The following ZNF385D variants were observed in gnomAD, a reference collection of about 807,000 sequenced individuals.
ZNF385D encodes the protein zinc finger protein 659.
In ZNF385D, 15 loss-of-function variants were observed where a neutral mutation model predicts 35.8. The ratio of observed to expected loss-of-function variants is 0.42; its 90% CI spans 0.28 to 0.64. The LOEUF is 0.64. ZNF385D is among the 30% of genes least tolerant of loss of function. The pLI, the probability that ZNF385D is intolerant of heterozygous loss-of-function variation, is 0.23. For missense variants in ZNF385D, 474 were observed against 494.6 expected (o/e 0.96, Z 0.39); for synonymous variants, 212 against 186.8 (o/e 1.13, Z -1.10).
chr3:22,005,385 T>C (rs766406149), intron 3 of ZNF385D, among the ~76,000 whole-genome samples: 5 of 152,022 alleles, frequency 3.3e-5, no homozygotes, highest in Non-Finnish European at 5.9e-5. Flanking sequence ...TGGAGTTTTC[T>C]CAAAAAACTA....
chr3:21,757,152 T>G, intron 3 of ZNF385D, among the ~76,000 whole-genome samples: 1 of 136,586 alleles, frequency 7.3e-6, no homozygotes, highest in Non-Finnish European at 1.6e-5. Context: ...TTTCTTGAGA[T>G]GGTGTCTCAC....
intron 3 of ZNF385D, among the ~76,000 whole-genome samples, chr3:22,120,132 AT>A (rs954479988): frequency 3.3e-4 from 49 of 149,330 alleles, no homozygotes; most frequent in African/African-American, 1.2e-3. Flanking sequence ...GTCCTGCTGC[AT>A]TTTTTTTTAA....
At chr3:21,641,781 TAGTG>T (rs2065614158) in intron 2 of ZNF385D, among the ~76,000 whole-genome samples, 1 of 151,922 alleles carries the variant, frequency 6.6e-6, no homozygotes, top group Non-Finnish European at 1.5e-5. Context: ...TTTAGACAGA[TAGTG>T]AGTGTAAAAG....
At chr3:22,047,011 G>C (rs1189488483) in intron 3 of ZNF385D, among the ~76,000 whole-genome samples, 1 of 151,980 alleles carries the variant, frequency 6.6e-6, no homozygotes, top group Non-Finnish European at 1.5e-5. Context: ...TTAATTTTCA[G>C]GTGGCCAATA....
At chr3:21,729,527 G>C (rs1263290983) in intron 1 of ZNF385D, among the ~76,000 whole-genome samples, 1 of 152,104 alleles carries the variant, frequency 6.6e-6, no homozygotes, top group East Asian at 1.9e-4. Flanking sequence ...CACTAGAATT[G>C]AGGTTTCTCT....
chr3:21,560,911 T>C (rs1390754901), intron 3 of ZNF385D, among the ~76,000 whole-genome samples: 1 of 152,098 alleles, frequency 6.6e-6, no homozygotes, highest in Non-Finnish European at 1.5e-5. Context: ...TGGGCTCCGC[T>C]CAGTTCGATC....
At chr3:21,893,224 G>C (rs1040807224) in intron 3 of ZNF385D, among the ~76,000 whole-genome samples, 2 of 152,104 alleles carry the variant, frequency 1.3e-5, no homozygotes, top group South Asian at 2.1e-4. Flanking sequence ...ACATAAGGCA[G>C]AACAAACTGG....
intron 3 of ZNF385D, among the ~76,000 whole-genome samples, chr3:21,519,173 CA>C (rs1303917407): frequency 2.6e-5 from 4 of 152,018 alleles, no homozygotes; most frequent in Non-Finnish European, 5.9e-5. Flanking sequence ...TCTCATACAC[CA>C]CCACTACTCA....
intron 3 of ZNF385D, among the ~76,000 whole-genome samples, chr3:21,856,412 C>G (rs1696715659): frequency 6.6e-6 from 1 of 152,052 alleles, no homozygotes; most frequent in Non-Finnish European, 1.5e-5. Flanking sequence ...CTTCTCTCAA[C>G]TTCAGACTCA....
chr3:22,179,495 A>G (rs1695074814), intron 2 of ZNF385D, among the ~76,000 whole-genome samples: 1 of 152,262 alleles, frequency 6.6e-6, no homozygotes, highest in South Asian at 2.1e-4. Context: ...GGCTGAGACG[A>G]CGGGGTTTTC....
At position 22,318,789 on chromosome 3, in the gene ZNF385D, A is replaced by C. The variant is rs376443279; in HGVS notation, c.106+53661T>G. ...TAGAAGTAATTAAGTACTGTGTATA[A>C]AACAAAAATGTACTGTGAAAAAAGA... On this transcript the variant is annotated intron_variant, in intron 2 of 5. Transcript: ENST00000494108. Among the ~76,000 whole-genome samples the C allele has an allele frequency of 1.8e-4, 27 of 152,328 alleles. No individual in the cohort carries two copies. In the South Asian group the frequency reaches 5.6e-3, roughly 32 times the overall value.
At chr3:22,296,637 G>A (rs977638184) in intron 2 of ZNF385D, among the ~76,000 whole-genome samples, 1 of 152,098 alleles carries the variant, frequency 6.6e-6, no homozygotes, top group Non-Finnish European at 1.5e-5. Context: ...AGATACTGAA[G>A]GACCTTCAGC....
intron 2 of ZNF385D, among the ~76,000 whole-genome samples, chr3:22,259,867 A>C (rs1700530290): frequency 6.6e-6 from 1 of 151,834 alleles, no homozygotes; most frequent in East Asian, 2.0e-4. Flanking sequence ...TGTTGGTTTT[A>C]TTCCAAAAAT....
chr3:22,031,362 G>C (rs1697991495), intron 3 of ZNF385D, among the ~76,000 whole-genome samples: 2 of 152,076 alleles, frequency 1.3e-5, no homozygotes, highest in African/African-American at 4.8e-5. Context: ...GGACATCCAG[G>C]TATTTGTCTA....
chr3:22,186,082 G>T (rs1695611811), intron 2 of ZNF385D, among the ~76,000 whole-genome samples: 1 of 152,094 alleles, frequency 6.6e-6, no homozygotes, highest in South Asian at 2.1e-4. Flanking sequence ...CTTAAATAAT[G>T]TTTCCAAATT....
chr3:22,247,736 C>T (rs1699861717), intron 2 of ZNF385D, among the ~76,000 whole-genome samples: 1 of 151,878 alleles, frequency 6.6e-6, no homozygotes, highest in Non-Finnish European at 1.5e-5. Context: ...TCCTGAGTAG[C>T]TGGGACTACA....
intron 3 of ZNF385D, among the ~76,000 whole-genome samples, chr3:21,850,776 A>G (rs1361325088): frequency 6.6e-6 from 1 of 152,122 alleles, no homozygotes; most frequent in East Asian, 1.9e-4. Flanking sequence ...CTTAAAAGAA[A>G]GAATAAACTG....
At chr3:22,295,570 T>G (rs1385594716) in intron 2 of ZNF385D, among the ~76,000 whole-genome samples, 2 of 152,140 alleles carry the variant, frequency 1.3e-5, no homozygotes, top group Admixed American at 6.6e-5. Context: ...GCATATAAAC[T>G]TAATGAAAAA....
In ZNF385D at chr3:22,300,008, T is replaced by C. The variant is rs147019909; in HGVS notation, c.106+72442A>G. On this transcript the variant is annotated intron_variant, in intron 2 of 5. Transcript: ENST00000494108. Reference sequence around the variant, plus strand: ...AGACCCCAAAGAGCCAAAGCAATCTTGAGCACAAAGAACAAAGCTGGAGGT... The same window carrying C: ...AGACCCCAAAGAGCCAAAGCAATCTCGAGCACAAAGAACAAAGCTGGAGGT... Among the ~76,000 whole-genome samples the C allele has an allele frequency of 2.0e-5, 3 of 152,024 alleles. No individual in the cohort carries two copies. In the East Asian group the frequency reaches 5.8e-4, roughly 29 times the overall value.
Sources: allele counts gnomAD v4.1 joint callset (sites outside exome capture counted in the v4.1 genomes callset), GRCh38; gene constraint gnomAD v4.1.1; transcripts MANE v1.5; gene names NCBI Gene and HGNC (gene_info 2026-07-23, HGNC 2026-07-21).